RGS7BP: variants seen among roughly 807,000 people sequenced by gnomAD.
The protein encoded by RGS7BP is regulator of G protein signaling 7 binding protein, also known as regulator of G protein signaling 7-binding protein.
Under a neutral mutation model 31.3 loss-of-function variants are expected in RGS7BP, and 9 were observed. The observed-to-expected ratio is 0.29, with a 90% confidence interval of 0.17 to 0.50. RGS7BP has a LOEUF of 0.50. Ranked by LOEUF, RGS7BP falls within the 20% of genes least tolerant of loss-of-function variation. The pLI, the probability that RGS7BP is intolerant of heterozygous loss-of-function variation, is 0.98. For missense variants in RGS7BP, 274 were observed against 322.0 expected (o/e 0.85, Z 1.14); for synonymous variants, 115 against 120.1 (o/e 0.96, Z 0.28).
chr5:64,594,881 A>T, intron 4 of RGS7BP, 24 bp downstream of exon 4: 1 of 1,611,364 alleles, frequency 6.2e-7, no homozygotes. Context: ...TACCCTGAAT[A>T]GACTGCCAAT....
chr5:64,537,315 A>G (rs1184798057), intron 2 of RGS7BP, among the ~76,000 whole-genome samples: 2 of 152,196 alleles, frequency 1.3e-5, no homozygotes, highest in Non-Finnish European at 2.9e-5. Flanking sequence ...AAAGTTTACA[A>G]ATTTGTGTTG....
intron 2 of RGS7BP, among the ~76,000 whole-genome samples, chr5:64,527,757 A>G (rs1469498744): frequency 6.6e-6 from 1 of 152,184 alleles, no homozygotes; most frequent in Non-Finnish European, 1.5e-5. Context: ...AGATTATAAA[A>G]TAGTTTTACT....
chr5:64,579,415 G>A (rs1742525027), intron 3 of RGS7BP, among the ~76,000 whole-genome samples: 1 of 151,596 alleles, frequency 6.6e-6, no homozygotes, highest in Non-Finnish European at 1.5e-5. Context: ...GTGGTGGCAT[G>A]TGCCTGTAAT....
At chr5:64,518,027 G>A (rs1008393564) in intron 2 of RGS7BP, among the ~76,000 whole-genome samples, 10 of 152,256 alleles carry the variant, frequency 6.6e-5, no homozygotes, top group African/African-American at 1.7e-4. Flanking sequence ...CAAGGAAGCA[G>A]GAAGGGTTTT....
chr5:64,601,150 A>G, intron 5 of RGS7BP, among the ~76,000 whole-genome samples: 1 of 152,188 alleles, frequency 6.6e-6, no homozygotes, highest in Non-Finnish European at 1.5e-5. Context: ...CATTATAGAA[A>G]GCCATCTGTT....
chr5:64,605,916 CAT>C lies in RGS7BP; in HGVS notation c.683-3236_683-3235del, dbSNP rs549582180. On this transcript the variant is annotated intron_variant, in intron 5 of 5. Coordinates refer to ENST00000334025, the MANE Select transcript of RGS7BP (RefSeq NM_001029875.3). ...TGCTATATATATGTATATCTGGATA[CAT>C]ATATATATGCTATATATATGTATAT... 7.3e-5 allele frequency among the ~76,000 whole-genome samples: 9 copies of C among 123,608 alleles called. No individual in the cohort carries two copies. In the East Asian group the frequency reaches 8.7e-4, roughly 12 times the overall value. The allele number at this position is 123,608 out of a possible 152,430, so 81.1% of individuals were successfully genotyped here. A position where few individuals can be genotyped will look rare whatever the true frequency, so the allele number is the denominator to read the frequency against.
chr5:64,544,939 G>A (rs1308760696), intron 2 of RGS7BP, among the ~76,000 whole-genome samples: 8 of 152,164 alleles, frequency 5.3e-5, no homozygotes, highest in African/African-American at 1.7e-4. Flanking sequence ...CACTTTGGGA[G>A]ACCAAGGCAG....
intron 3 of RGS7BP, among the ~76,000 whole-genome samples, chr5:64,578,851 T>G (rs1309179289): frequency 9.2e-5 from 14 of 152,220 alleles, no homozygotes; most frequent in African/African-American, 3.4e-4. Flanking sequence ...CTAACAGCAT[T>G]GATGTCCAAA....
intron 2 of RGS7BP, among the ~76,000 whole-genome samples, chr5:64,533,451 A>C (rs1270209484): frequency 6.6e-6 from 1 of 152,218 alleles, no homozygotes; most frequent in Admixed American, 6.5e-5. Context: ...GTTTTTCTGC[A>C]TACTAAAATC....
At chr5:64,528,538 G>A (rs897368630) in intron 2 of RGS7BP, among the ~76,000 whole-genome samples, 2 of 152,150 alleles carry the variant, frequency 1.3e-5, no homozygotes, top group Admixed American at 6.5e-5. Flanking sequence ...TAGGCCGGGT[G>A]CAGTGGCTCA....
intron 2 of RGS7BP, among the ~76,000 whole-genome samples, chr5:64,535,199 G>T (rs1749475727): frequency 6.6e-6 from 1 of 152,154 alleles, no homozygotes; most frequent in Admixed American, 6.5e-5. Context: ...GGAGGCAGTG[G>T]CTATTGGCCC....
chr5:64,550,292 G>T (rs972041455), intron 2 of RGS7BP, among the ~76,000 whole-genome samples: 3 of 152,212 alleles, frequency 2.0e-5, no homozygotes, highest in African/African-American at 7.2e-5. Flanking sequence ...TGCCAGCATA[G>T]TTGAGAGCCA....
At chr5:64,587,871 C>A (rs1221459688) in intron 3 of RGS7BP, among the ~76,000 whole-genome samples, 1 of 152,128 alleles carries the variant, frequency 6.6e-6, no homozygotes, top group African/African-American at 2.4e-5. Flanking sequence ...ATTATCCAGC[C>A]CTTTTTGACA....
chr5:64,543,837 G>A (rs561754121), intron 2 of RGS7BP, among the ~76,000 whole-genome samples: 1 of 152,228 alleles, frequency 6.6e-6, no homozygotes, highest in African/African-American at 2.4e-5. Flanking sequence ...AAAAGAAAAG[G>A]GAAGGGCAGA....
intron 3 of RGS7BP, among the ~76,000 whole-genome samples, chr5:64,587,108 A>G (rs1191753214): frequency 6.6e-6 from 1 of 152,108 alleles, no homozygotes; most frequent in Non-Finnish European, 1.5e-5. Context: ...GGAAAACCTG[A>G]GCGATCGTAT....
At chr5:64,575,936 A>G in intron 3 of RGS7BP, 32 bp downstream of exon 3, 1 of 1,594,288 alleles carries the variant, frequency 6.3e-7, no homozygotes, top group Non-Finnish European at 8.5e-7. Context: ...GGAAACACTG[A>G]GGAATGTTGA....
intron 4 of RGS7BP, 59 bp downstream of exon 4, chr5:64,594,916 G>A (rs1217987005): frequency 1.3e-5 from 20 of 1,553,102 alleles, no homozygotes; most frequent in Non-Finnish European, 1.8e-5. Flanking sequence ...TGTTCTTAGG[G>A]GCCACAGAGA....
At chr5:64,545,706 A>G (rs141840502) in intron 2 of RGS7BP, among the ~76,000 whole-genome samples, 90 of 152,304 alleles carry the variant, frequency 5.9e-4, no homozygotes, top group African/African-American at 2.1e-3. Context: ...AAGGCAATAA[A>G]TTAAAGATAA....
At chr5:64,527,694 C>T (rs1345084744) in intron 2 of RGS7BP, among the ~76,000 whole-genome samples, 1 of 145,890 alleles carries the variant, frequency 6.9e-6, no homozygotes, top group Non-Finnish European at 1.5e-5. Context: ...ATAACGCATA[C>T]CCAGGTGCTA....
Sources: allele counts gnomAD v4.1 joint callset (sites outside exome capture counted in the v4.1 genomes callset), GRCh38; gene constraint gnomAD v4.1.1; transcripts MANE v1.5; gene names NCBI Gene and HGNC (gene_info 2026-07-23, HGNC 2026-07-21).